Variants in NDFIP2 observed in about 807,000 individuals in gnomAD.
The protein encoded by NDFIP2 is Nedd4 family interacting protein 2, also known as NEDD4 family-interacting protein 2.
A neutral mutation model predicts 36.0 loss-of-function variants in NDFIP2; 19 were observed. That is an observed-to-expected ratio of 0.53 (90% CI 0.37 to 0.77). The LOEUF is 0.77. Ranked by LOEUF, NDFIP2 falls within the 30% of genes least tolerant of loss-of-function variation. NDFIP2 has a pLI of 0.00. For synonymous variants in NDFIP2, 181 were observed against 167.7 expected, an observed-to-expected ratio of 1.08 and a Z score of -0.61; for missense variants, 446 against 435.8, an observed-to-expected ratio of 1.02 and a Z score of -0.21.
intron 1 of NDFIP2, among the ~76,000 whole-genome samples, chr13:79,496,467 G>A (rs1873437027): frequency 1.3e-5 from 2 of 151,852 alleles, no homozygotes; most frequent in Admixed American, 1.3e-4. Flanking sequence ...GCTGCATCTA[G>A]TAACTTCTGT....
intron 4 of NDFIP2, among the ~76,000 whole-genome samples, chr13:79,540,607 C>A (rs1875416561): frequency 6.6e-6 from 1 of 152,088 alleles, no homozygotes; most frequent in African/African-American, 2.4e-5. Flanking sequence ...TTATTATGAT[C>A]ATAAAACCGA....
At chr13:79,503,887 G>C (rs1594844654) in intron 1 of NDFIP2, among the ~76,000 whole-genome samples, 2 of 152,152 alleles carry the variant, frequency 1.3e-5, no homozygotes, top group South Asian at 4.2e-4. Context: ...TTTCAAAAGA[G>C]CCTCTTGATT....
intron 5 of NDFIP2, among the ~76,000 whole-genome samples, chr13:79,543,971 G>A (rs985276097): frequency 2.6e-5 from 4 of 152,042 alleles, no homozygotes; most frequent in African/African-American, 7.2e-5. Context: ...CTGAGCATTA[G>A]TTTCTTTATA....
At chr13:79,483,103 G>GC (rs1309746097) in intron 1 of NDFIP2, among the ~76,000 whole-genome samples, 5 of 151,902 alleles carry the variant, frequency 3.3e-5, no homozygotes, top group African/African-American at 4.8e-5. Flanking sequence ...TTTTATTGCT[G>GC]CCCCCTCCCC....
intron 1 of NDFIP2, among the ~76,000 whole-genome samples, chr13:79,516,970 T>C (rs1238039058): frequency 6.6e-6 from 1 of 152,220 alleles, no homozygotes; most frequent in Non-Finnish European, 1.5e-5. Flanking sequence ...AAACAATCTT[T>C]ATGCACTGGA....
intron 3 of NDFIP2, among the ~76,000 whole-genome samples, chr13:79,539,243 T>C (rs73553431): frequency 0.067 from 10,188 of 152,222 alleles, 716 homozygotes; most frequent in African/African-American, 0.17. Context: ...TATATATATG[T>C]GCAGTGTATT....
intron 5 of NDFIP2, among the ~76,000 whole-genome samples, chr13:79,544,896 C>T (rs1875604512): frequency 6.6e-6 from 1 of 152,060 alleles, no homozygotes; most frequent in Non-Finnish European, 1.5e-5. Context: ...GACCTATGGA[C>T]TGGTTTCTTC....
chr13:79,546,201 G>A (rs1181848565), intron 5 of NDFIP2, among the ~76,000 whole-genome samples: 1 of 147,692 alleles, frequency 6.8e-6, no homozygotes, highest in Non-Finnish European at 1.5e-5. Context: ...CTAAAAACCT[G>A]GTGTTCCCTT....
At chr13:79,547,242 T>C (rs984103824) in intron 5 of NDFIP2, among the ~76,000 whole-genome samples, 3 of 152,136 alleles carry the variant, frequency 2.0e-5, no homozygotes, top group African/African-American at 7.2e-5. Flanking sequence ...TTTTTATTTT[T>C]GCCACAGCCT....
chr13:79,491,270 T>C (rs925187761), intron 1 of NDFIP2, among the ~76,000 whole-genome samples: 1 of 152,204 alleles, frequency 6.6e-6, no homozygotes, highest in Non-Finnish European at 1.5e-5. Flanking sequence ...GCCAATTTTA[T>C]AGACATAAAA....
intron 1 of NDFIP2, among the ~76,000 whole-genome samples, chr13:79,517,296 G>A (rs1054387816): frequency 2.0e-5 from 3 of 152,068 alleles, no homozygotes; most frequent in African/African-American, 7.3e-5. Context: ...AGGCATCACT[G>A]TATACAAGTA....
chr13:79,535,131 C>T (rs747323785), intron 3 of NDFIP2, among the ~76,000 whole-genome samples: 1 of 152,048 alleles, frequency 6.6e-6, no homozygotes, highest in Non-Finnish European at 1.5e-5. Flanking sequence ...AATAAGTTCT[C>T]GGTTACTTAG....
intron 1 of NDFIP2, among the ~76,000 whole-genome samples, chr13:79,505,062 A>G (rs1873808687): frequency 6.6e-6 from 1 of 152,162 alleles, no homozygotes; most frequent in Non-Finnish European, 1.5e-5. Flanking sequence ...GATAATGTGA[A>G]TATGTCTGAC....
chr13:79,524,554 C>T, intron 2 of NDFIP2, among the ~76,000 whole-genome samples: 1 of 152,204 alleles, frequency 6.6e-6, no homozygotes, highest in East Asian at 1.9e-4. Context: ...GTTATATTTG[C>T]AGGTCAAAGT....
chr13:79,506,299 AAT>A (rs1237518069), intron 1 of NDFIP2, among the ~76,000 whole-genome samples: 2 of 152,184 alleles, frequency 1.3e-5, no homozygotes, highest in African/African-American at 4.8e-5. Flanking sequence ...AAATTGGAAT[AAT>A]ATATGATTCT....
chr13:79,534,403 G>A (rs1431357067), intron 3 of NDFIP2, among the ~76,000 whole-genome samples: 1 of 111,998 alleles, frequency 8.9e-6, no homozygotes, highest in Non-Finnish European at 1.7e-5. Flanking sequence ...ATTTTGGAAT[G>A]ATGATCAAGC....
intron 3 of NDFIP2, among the ~76,000 whole-genome samples, chr13:79,535,978 C>T (rs1244177636): frequency 6.6e-6 from 1 of 152,152 alleles, no homozygotes; most frequent in Admixed American, 6.5e-5. Flanking sequence ...AAATGAGTCT[C>T]AGCTGGGTGA....
intron 2 of NDFIP2, among the ~76,000 whole-genome samples, chr13:79,533,055 C>T (rs1039168456): frequency 2.0e-5 from 3 of 152,112 alleles, no homozygotes; most frequent in African/African-American, 7.2e-5. Context: ...TTGTCTGGCA[C>T]TCTTTTTCAG....
At chr13:79,510,506 G>T (rs1020231426) in intron 1 of NDFIP2, among the ~76,000 whole-genome samples, 2 of 152,028 alleles carry the variant, frequency 1.3e-5, no homozygotes, top group Non-Finnish European at 2.9e-5. Context: ...TAGGAAAAAT[G>T]GAGTAAAAAT....
Sources: gnomAD v4.1 joint callset for allele counts (sites outside exome capture counted in the v4.1 genomes callset) on GRCh38, gnomAD v4.1.1 for gene constraint, MANE v1.5 for transcripts, NCBI Gene and HGNC (gene_info 2026-07-23, HGNC 2026-07-21) for gene names.